Variants in ATP2B1 observed in about 807,000 individuals in gnomAD.
ATP2B1 encodes the protein ATPase plasma membrane Ca2+ transporting 1, also known as plasma membrane calcium-transporting ATPase 1.
Under a neutral mutation model 124.2 loss-of-function variants are expected in ATP2B1, and 14 were observed. The ratio of observed to expected loss-of-function variants is 0.11; its 90% confidence interval spans 0.07 to 0.18. The LOEUF is 0.18. Ranked by LOEUF, ATP2B1 falls within the 10% of genes least tolerant of loss-of-function variation. The probability of loss-of-function intolerance (pLI) is 1.00; values close to 1 mark genes in which losing one functional copy is unlikely to be tolerated. For synonymous variants in ATP2B1, 449 were observed against 492.4 expected (o/e 0.91, Z 1.17); for missense variants, 763 against 1,466.1 (o/e 0.52, Z 7.83).
intron 1 of ATP2B1, among the ~76,000 whole-genome samples, chr12:89,663,548 C>G (rs1306638842): frequency 6.6e-6 from 1 of 152,074 alleles, no homozygotes; most frequent in Admixed American, 6.5e-5. Context: ...TGAATACAAT[C>G]TTACCCAGTA....
At chr12:89,624,419 A>G (rs1880494322) in intron 8 of ATP2B1, 22 bp from the exon 9 acceptor site, 1 of 1,578,478 alleles carries the variant, frequency 6.3e-7, no homozygotes, top group African/African-American at 1.4e-5. Context: ...GAAATGAAAG[A>G]AAAATGTGAT....
chr12:89,705,618 A>T (rs1422283790), intron 1 of ATP2B1, among the ~76,000 whole-genome samples: 1 of 152,188 alleles, frequency 6.6e-6, no homozygotes, highest in Non-Finnish European at 1.5e-5. Flanking sequence ...CATGTCTGTC[A>T]GTCAAAGGAA....
Position 89,603,568 on chromosome 12 carries a change from CACTG to C in ATP2B1, c.2848+140_2848+143del, listed in dbSNP as rs1312135855. On this transcript the variant is annotated intron_variant, in intron 17 of 20. Coordinates refer to ENST00000428670, the MANE Select transcript of ATP2B1 (RefSeq NM_001366521.1). This position sits in a 1 kb window ranked among gnomAD's most constrained non-coding sequence, Gnocchi z 4.3. The stretch of plus-strand genomic sequence containing the variant: ...TGTCCTCCCAAATTTACTAAGCACT[CACTG>C]ATTAAGAAGAAATTAAAGATAAATG... 10 of 843,606 alleles carry C rather than the reference CACTG, an allele frequency of 1.2e-5. No homozygotes were observed. The Admixed American group carries it at 2.7e-4, about 23-fold the overall frequency. The allele number at this position is 843,606 out of a possible 1,614,324, so 52.3% of individuals were successfully genotyped here.
intron 1 of ATP2B1, among the ~76,000 whole-genome samples, chr12:89,692,512 C>T (rs1238150195): frequency 1.3e-5 from 2 of 152,140 alleles, no homozygotes; most frequent in African/African-American, 4.8e-5. Context: ...TGACCCTGAA[C>T]TGGAATCAGC....
chr12:89,691,056 A>G (rs1458199446), intron 1 of ATP2B1, among the ~76,000 whole-genome samples: 1 of 152,118 alleles, frequency 6.6e-6, no homozygotes, highest in Non-Finnish European at 1.5e-5. Context: ...TTCTAGTAAC[A>G]TGTGAGAGGC....
At position 89,642,245 on chromosome 12, in the gene ATP2B1, G is replaced by C; in HGVS notation, c.319C>G (p.Gln107Glu). ...TCTAATATAATTAAAGTGACATCTT[G>C]TAATGCTTCCCATACTAATTGAAGA... ...TFLQLVWEAL[Q>E]DVTLIILEIA... is the part of the protein sequence containing the mutation. Residue 107 changes from glutamine to glutamate, a missense_variant, in exon 3 of 21, where the codon CAA becomes GAA. Around this residue, in one of 7 missense-constraint regions of ATP2B1, gnomAD observed 392 missense variants for 776.6 expected, o/e 0.50. Coordinates refer to ENST00000428670, the MANE Select transcript of ATP2B1 (RefSeq NM_001366521.1). 1 of 1,613,584 alleles carries C rather than the reference G, an allele frequency of 6.2e-7. No homozygotes were observed. The highest frequency in any genetic ancestry group is 8.5e-7 in the Non-Finnish European group (1 of 1,179,674).
Position 89,609,802 on chromosome 12 carries a change from C to G in ATP2B1, c.2442+135G>C, listed in dbSNP as rs1592731737. On this transcript the variant is annotated intron_variant, in intron 15 of 20. Coordinates refer to ENST00000428670, the MANE Select transcript of ATP2B1 (RefSeq NM_001366521.1). The stretch of plus-strand genomic sequence containing the variant: ...AATTAGACTTATAAACCAATTTAAG[C>G]TTATTAATTATCCCTCGAACTAATC... The G allele has an allele frequency of 1.7e-5, 12 of 703,960 alleles. No homozygotes were observed. In the East Asian group the frequency reaches 3.4e-4, roughly 20 times the overall value. The allele number at this position is 703,960 out of a possible 1,614,324, so 43.6% of individuals were successfully genotyped here.
chr12:89,671,523 G>A (rs946880759), intron 1 of ATP2B1, among the ~76,000 whole-genome samples: 4 of 152,048 alleles, frequency 2.6e-5, no homozygotes, highest in African/African-American at 7.2e-5. Flanking sequence ...GGATCCTTTC[G>A]CCTAATCTTC....
chr12:89,686,599 C>G (rs889112302), intron 1 of ATP2B1, among the ~76,000 whole-genome samples: 1 of 152,022 alleles, frequency 6.6e-6, no homozygotes, highest in African/African-American at 2.4e-5. Context: ...TTAAGAAATA[C>G]TACTGTAATA....
chr12:89,593,328 C>T (rs974723645), intron 20 of ATP2B1: 1 of 151,872 alleles, frequency 6.6e-6, no homozygotes, highest in African/African-American at 2.4e-5. Context: ...CCCGTAGGCA[C>T]GGAGGAGAAT....
chr12:89,614,994 T>C (rs1401455765), intron 12 of ATP2B1, among the ~76,000 whole-genome samples: 2 of 152,146 alleles, frequency 1.3e-5, no homozygotes, highest in Non-Finnish European at 2.9e-5. Context: ...ACATAAATCA[T>C]GTCACTTCCC....
rs114342188 is a variant in ATP2B1 at position 89,655,132 on chromosome 12, A to G, written c.208+547T>C. On this transcript the variant is annotated intron_variant, in intron 2 of 20. Coordinates refer to ENST00000428670, the MANE Select transcript of ATP2B1 (RefSeq NM_001366521.1). ...AACACAGGAATATTCAACATAATTC[A>G]AAGACTAAAAACTAGTTTCATTAAA... 4.0e-3 allele frequency among the ~76,000 whole-genome samples: 612 copies of G among 152,364 alleles called. 2 individuals are homozygous for G. Among genetic ancestry groups the G allele is most frequent in the African/African-American group, 0.014 (573 of 41,588 alleles).
At chr12:89,665,596 T>A (rs140684934) in intron 1 of ATP2B1, among the ~76,000 whole-genome samples, 3 of 152,358 alleles carry the variant, frequency 2.0e-5, no homozygotes, top group Non-Finnish European at 4.4e-5. Flanking sequence ...AAGAACATAC[T>A]ATATCTCCAG....
chr12:89,651,462 T>G (rs1885242983), intron 2 of ATP2B1, among the ~76,000 whole-genome samples: 1 of 152,128 alleles, frequency 6.6e-6, no homozygotes, highest in South Asian at 2.1e-4. Flanking sequence ...ATTTTTTTCT[T>G]TTTTAATGTT....
intron 8 of ATP2B1, among the ~76,000 whole-genome samples, chr12:89,625,790 G>A (rs1456192570): frequency 6.6e-6 from 1 of 152,100 alleles, no homozygotes; most frequent in Non-Finnish European, 1.5e-5. Flanking sequence ...GATAATAAGT[G>A]TACTGAGGAC....
chr12:89,596,174 C>T (rs1457297011), intron 20 of ATP2B1, among the ~76,000 whole-genome samples: 2 of 151,944 alleles, frequency 1.3e-5, no homozygotes, highest in African/African-American at 4.8e-5. Flanking sequence ...CATCTGATAT[C>T]CCTCTAAATG....
intron 18 of ATP2B1, among the ~76,000 whole-genome samples, chr12:89,602,656 A>G (rs1012411994): frequency 6.6e-6 from 1 of 152,212 alleles, no homozygotes; most frequent in Non-Finnish European, 1.5e-5. Flanking sequence ...GAAGAATTCA[A>G]TATGTATTTG....
chr12:89,645,323 C>T (rs879160314), intron 2 of ATP2B1, among the ~76,000 whole-genome samples: 1 of 152,094 alleles, frequency 6.6e-6, no homozygotes, highest in Non-Finnish European at 1.5e-5. Context: ...TATAATAAAA[C>T]GAACAGTTTT....
Position 89,620,153 on chromosome 12 carries a change from C to T in ATP2B1, c.1675G>A (p.Asp559Asn). 1 of 1,614,058 alleles carries T rather than the reference C, an allele frequency of 6.2e-7. No homozygotes were observed. Among genetic ancestry groups the T allele is most frequent in the South Asian group, 1.1e-5 (1 of 91,082 alleles). ...ATTTCATTTCTAACATCCTGATAAT[C>T]CCGTTTTAAATCCAAAAGAAGTCCC... ...LLGLLLDLKRDYQDVRNEIPE... is the reference protein window; with the variant it reads ...LLGLLLDLKRNYQDVRNEIPE... Residue 559 changes from aspartate to asparagine, a missense_variant, in exon 11 of 21, where the codon GAT becomes AAT. This residue lies in a region of ATP2B1 where 392 missense variants were observed against 776.6 expected (regional missense o/e 0.50). Transcript: ENST00000428670.
Sources: allele counts gnomAD v4.1 joint callset (sites outside exome capture counted in the v4.1 genomes callset), GRCh38; gene constraint gnomAD v4.1.1; regional missense constraint gnomAD v4.1.1; non-coding constraint Gnocchi (gnomAD v3.1); transcripts MANE v1.5; gene names NCBI Gene and HGNC (gene_info 2026-07-23, HGNC 2026-07-21).